Variants in PTPRS observed in about 807,000 individuals in gnomAD.
PTPRS encodes the protein protein tyrosine phosphatase receptor type S, also known as receptor-type tyrosine-protein phosphatase S.
PTPRS carries 63 observed loss-of-function variants against 215.3 expected under a neutral mutation model. The ratio of observed to expected loss-of-function variants is 0.29; its 90% confidence interval spans 0.24 to 0.36. PTPRS has a LOEUF of 0.36. PTPRS is among the 10% of genes least tolerant of loss of function. The probability of loss-of-function intolerance (pLI) is 1.00; values close to 1 mark genes in which losing one functional copy is unlikely to be tolerated. For synonymous variants in PTPRS, 1,404 were observed against 1,191.4 expected, an observed-to-expected ratio of 1.18 and a Z score of -3.68; for missense variants, 2,258 against 2,825.8, an observed-to-expected ratio of 0.80 and a Z score of 4.56.
At chr19:5,228,347 G>GAAAAAAAAAAAAAAAAAA (rs71170899) in intron 16 of PTPRS, among the ~76,000 whole-genome samples, 38 of 105,880 alleles carry the variant, frequency 3.6e-4, no homozygotes, top group African/African-American at 1.3e-3. Context: ...TCCGTCTGGA[G>GAAAAAAAAAAAAAAAAAA]AAAAAAAAAA....
At chr19:5,274,488 A>T (rs2047187944) in intron 2 of PTPRS, 144 bp from the exon 3 acceptor site, 1 of 1,080,064 alleles carries the variant, frequency 9.3e-7, no homozygotes, top group Non-Finnish European at 1.3e-6. Context: ...GAAAGCAAGG[A>T]TGACAACAAA....
intron 15 of PTPRS, 27 bp downstream of exon 15, chr19:5,229,464 C>A: frequency 7.2e-7 from 1 of 1,389,282 alleles, no homozygotes; most frequent in South Asian, 1.7e-5. Flanking sequence ...GAGCCCGTCC[C>A]CGGCCCCGCC....
chr19:5,299,287 C>G (rs1333404110), intron 1 of PTPRS, among the ~76,000 whole-genome samples: 1 of 152,220 alleles, frequency 6.6e-6, no homozygotes, highest in East Asian at 1.9e-4. Context: ...CCTCTCTCCC[C>G]CTCACTCTGC....
At chr19:5,263,754 G>A (rs550217373) in intron 5 of PTPRS, among the ~76,000 whole-genome samples, 47 of 152,234 alleles carry the variant, frequency 3.1e-4, no homozygotes, top group Non-Finnish European at 5.6e-4. Flanking sequence ...AGGCGCGTGC[G>A]CGGATCACTG....
At chr19:5,291,688 C>T (rs762441891) in intron 1 of PTPRS, among the ~76,000 whole-genome samples, 58 of 152,064 alleles carry the variant, frequency 3.8e-4, no homozygotes, top group Non-Finnish European at 7.8e-4. Flanking sequence ...GCACACCCTT[C>T]CCCAGCTGGC....
At chr19:5,218,327 G>A (rs1568387686) in intron 25 of PTPRS, 93 bp downstream of exon 25, 3 of 1,010,414 alleles carry the variant, frequency 3.0e-6, no homozygotes, top group East Asian at 2.4e-5. Context: ...GTTCAGAGGG[G>A]GCCAATGAGG....
At position 5,211,639 on chromosome 19, in the gene PTPRS, C is replaced by G; in HGVS notation, c.5185G>C (p.Gly1729Arg). The G allele has an allele frequency of 6.2e-7, 1 of 1,613,970 alleles. No individual in the cohort carries two copies. The highest frequency in any genetic ancestry group is 8.5e-7 in the Non-Finnish European group (1 of 1,179,924). Reference protein sequence around the residue: ...STRVCLQPIRGVEGSDYINAS... With the variant: ...STRVCLQPIRRVEGSDYINAS... ...TTGATGTAGTCAGAGCCCTCCACAC[C>G]CCGGATGGGTTGCAGACAGACCCGT... Residue 1729 changes from glycine (G) to arginine (R), a missense_variant, in exon 33 of 38, where the codon GGT becomes CGT. Transcript: ENST00000262963.
intron 12 of PTPRS, among the ~76,000 whole-genome samples, chr19:5,239,622 C>G (rs545349086): frequency 1.4e-5 from 2 of 143,658 alleles, no homozygotes; most frequent in Admixed American, 6.8e-5. Flanking sequence ...GGGAGAGAGA[C>G]AGACAGAAAC....
chr19:5,336,623 G>A (rs187853674), intron 1 of PTPRS, among the ~76,000 whole-genome samples: 2 of 152,210 alleles, frequency 1.3e-5, no homozygotes, highest in East Asian at 1.9e-4. Flanking sequence ...TTCAAGCCCC[G>A]GATACGTGCC....
intron 37 of PTPRS, among the ~76,000 whole-genome samples, chr19:5,207,556 TG>T (rs2144905775): frequency 6.6e-6 from 1 of 152,310 alleles, no homozygotes; most frequent in East Asian, 1.9e-4. Context: ...CCCCCTCCAC[TG>T]GAACATTCCC....
At position 5,207,999 on chromosome 19, in the gene PTPRS, G is replaced by A. The variant is rs1225347504; in HGVS notation, c.5701C>T (p.Arg1901Trp). 1 of 1,614,028 alleles carries A rather than the reference G, an allele frequency of 6.2e-7. No homozygotes were observed. The highest frequency in any genetic ancestry group is 8.5e-7 in the Non-Finnish European group (1 of 1,180,032). Reference protein sequence around the residue: ...ITLSIVLERMRYEGVVDIFQT... With the variant: ...ITLSIVLERMWYEGVVDIFQT... ...AAGATGTCCACCACGCCTTCATACC[G>A]CATCCGCTCCAGCACGATGCTAAGC... The change falls in exon 37 of 38, where the codon CGG becomes TGG. Residue 1901 changes from arginine (R) to tryptophan (W), a missense_variant. By Grantham distance (101) the Arg-to-Trp change is moderately radical (BLOSUM62 -3). Coordinates refer to ENST00000262963, the MANE Select transcript of PTPRS (RefSeq NM_002850.4).
chr19:5,207,592 A>G (rs2040481196), intron 37 of PTPRS, among the ~76,000 whole-genome samples: 2 of 152,136 alleles, frequency 1.3e-5, no homozygotes, highest in Admixed American at 1.3e-4. Flanking sequence ...TCTGGGCCTC[A>G]GTTTCCCCAT....
intron 9 of PTPRS, among the ~76,000 whole-genome samples, chr19:5,251,539 T>G (rs2045079116): frequency 6.7e-6 from 1 of 149,846 alleles, no homozygotes; most frequent in African/African-American, 2.4e-5. Flanking sequence ...AACCTCGCTG[T>G]GGCCGCCGGA....
intron 18 of PTPRS, 150 bp from the exon 19 acceptor site, chr19:5,222,370 T>C (rs1399613520): frequency 6.9e-6 from 5 of 721,544 alleles, no homozygotes; most frequent in African/African-American, 1.8e-5. Context: ...TGCCTGGCCC[T>C]GGCCCGGCCC....
At chr19:5,323,717 G>A (rs932171630) in intron 1 of PTPRS, among the ~76,000 whole-genome samples, 4 of 152,234 alleles carry the variant, frequency 2.6e-5, no homozygotes, top group African/African-American at 9.6e-5. Context: ...AAGGCCTGGT[G>A]GGCTACAGGG....
Position 5,221,162 on chromosome 19 carries a change from A to G in PTPRS, c.3293T>C (p.Val1098Ala). 6.2e-7 allele frequency: 1 copy of G among 1,614,014 alleles called. No homozygotes were observed. The highest frequency in any genetic ancestry group is 1.3e-5 in the African/African-American group (1 of 75,006). ...HLKPHTFYNF[V>A]LTNRGSSLGG... ...CAGGCTGCTGCCGCGATTGGTCAGCACAAAGTTGTAGAAGGTGTGGGGCTT... is the reference window on the plus strand; with the variant it reads ...CAGGCTGCTGCCGCGATTGGTCAGCGCAAAGTTGTAGAAGGTGTGGGGCTT... The change falls in exon 20 of 38, where the codon GTG (valine) becomes GCG (alanine). Residue 1098 changes from valine to alanine, a missense_variant. Physicochemically the swap from Val to Ala is moderately conservative, Grantham distance 64. Transcript: ENST00000262963.
rs1181499355 is a variant in PTPRS at position 5,294,244 on chromosome 19, C to A, written c.-94-8010G>T. The A allele has an allele frequency of 1.3e-5, 2 of 152,404 alleles. No homozygotes were observed. The highest frequency in any genetic ancestry group is 1.5e-5 in the Non-Finnish European group (1 of 68,188). The allele number at this position is 152,404 out of a possible 1,614,324, so 9.4% of individuals were successfully genotyped here. On this transcript the variant is annotated intron_variant, in intron 1 of 37. Coordinates refer to ENST00000262963, the MANE Select transcript of PTPRS (RefSeq NM_002850.4). This position sits in a 1 kb window ranked among gnomAD's most constrained non-coding sequence, Gnocchi z 5.1. ...TGCTTCCTCAGGCCACCGGCCACGG[C>A]TCTAGGAGGCAGACCCCACCATCAC... is the stretch of plus-strand genomic sequence containing the variant.
chr19:5,211,532 T>C (rs111588397), intron 33 of PTPRS, 58 bp downstream of exon 33: 3 of 1,546,346 alleles, frequency 1.9e-6, no homozygotes, highest in Admixed American at 1.8e-5. Context: ...TGGAGGCCTC[T>C]TGAGAGTAGA....
Position 5,229,570 on chromosome 19 carries a change from TG to T in PTPRS, c.2269del (p.Gln757ArgfsTer53). ...GRQHGQIRGY[Q>X]VHYVRMEGAE... ...GCCCTCCATGCGCACGTAGTGGACCTGGTAGCCGCGGATCTGGCCGTGCTGC... is the reference window on the plus strand; with the variant it reads ...GCCCTCCATGCGCACGTAGTGGACCTGTAGCCGCGGATCTGGCCGTGCTGC... On this transcript the variant is annotated frameshift_variant, in exon 15 of 38. Coordinates refer to ENST00000262963, the MANE Select transcript of PTPRS (RefSeq NM_002850.4). LOFTEE classifies it high-confidence loss of function. 6.9e-7 allele frequency: 1 copy of T among 1,454,652 alleles called. No homozygotes were observed. Among genetic ancestry groups the T allele is most frequent in the South Asian group, 1.3e-5 (1 of 74,416 alleles). The allele number at this position is 1,454,652 out of a possible 1,614,324, so 90.1% of individuals were successfully genotyped here.
Sources: allele counts gnomAD v4.1 joint callset (sites outside exome capture counted in the v4.1 genomes callset), GRCh38; gene constraint gnomAD v4.1.1; non-coding constraint Gnocchi (gnomAD v3.1); transcripts MANE v1.5; gene names NCBI Gene and HGNC (gene_info 2026-07-23, HGNC 2026-07-21).